The following EDARADD variants were observed in gnomAD, a reference collection of about 807,000 sequenced individuals.
The protein encoded by EDARADD is ectodysplasin-A receptor-associated adapter protein.
EDARADD carries 20 observed loss-of-function variants against 25.6 expected under a neutral mutation model. The observed-to-expected ratio is 0.78, with a 90% CI of 0.55 to 1.14. The LOEUF is 1.14. Ranked by LOEUF, EDARADD falls within the 50% of genes most tolerant of loss-of-function variation. EDARADD has a pLI of 0.00. For synonymous variants in EDARADD, 86 were observed against 94.4 expected, an observed-to-expected ratio of 0.91 and a Z score of 0.52; for missense variants, 225 against 270.1, an observed-to-expected ratio of 0.83 and a Z score of 1.17.
At chr1:236,466,900 C>G (rs1304967869) in intron 4 of EDARADD, among the ~76,000 whole-genome samples, 2 of 152,094 alleles carry the variant, frequency 1.3e-5, no homozygotes, top group Non-Finnish European at 2.9e-5. Flanking sequence ...AACCCTGTCT[C>G]TGCTAAAAAT....
chr1:236,391,671 C>A (rs1448138911), upstream of EDARADD, among the ~76,000 whole-genome samples: 1 of 152,166 alleles, frequency 6.6e-6, no homozygotes, highest in African/African-American at 2.4e-5. Flanking sequence ...TTTTAGATTG[C>A]AGAAATTTCA....
chr1:236,477,832 G>A (rs1038705710), intron 5 of EDARADD, among the ~76,000 whole-genome samples: 1 of 152,278 alleles, frequency 6.6e-6, no homozygotes, highest in Admixed American at 6.5e-5. Context: ...ACCGGGCGCG[G>A]TGGCTCACAC....
At chr1:236,361,223 C>G (rs1199356314) in intron 3 of EDARADD, among the ~76,000 whole-genome samples, 1 of 152,154 alleles carries the variant, frequency 6.6e-6, no homozygotes, top group Non-Finnish European at 1.5e-5. Context: ...TGTGTAATCC[C>G]TTTCCCCTAC....
At chr1:236,456,678 C>G (rs1658876061) in intron 4 of EDARADD, among the ~76,000 whole-genome samples, 1 of 151,880 alleles carries the variant, frequency 6.6e-6, no homozygotes, top group East Asian at 1.9e-4. Context: ...ACCCGCGACT[C>G]TGAAGTTCCC....
In EDARADD at chr1:236,395,345, G is replaced by T; in HGVS notation, c.61+840G>T. On this transcript the variant is annotated intron_variant, in intron 1 of 5. Coordinates refer to ENST00000334232, the MANE Select transcript of EDARADD (RefSeq NM_145861.4). The surrounding 1 kb of genome is among the most constrained non-coding windows in gnomAD (Gnocchi z 6.9). ...CCGCCTTGCGTCCCAGCCCCGGGTCGCGGCACCCCGGCTCCCGCCCCGCGC... is the reference window on the plus strand; with the variant it reads ...CCGCCTTGCGTCCCAGCCCCGGGTCTCGGCACCCCGGCTCCCGCCCCGCGC... 7.6e-7 allele frequency: 1 copy of T among 1,320,386 alleles called. No homozygotes were observed. The highest frequency in any genetic ancestry group is 9.7e-7 in the Non-Finnish European group (1 of 1,033,226). 81.8% of individuals were successfully genotyped at this position (1,320,386 alleles called of 1,614,324 possible).
At chr1:236,417,523 G>A (rs1320075101) in intron 3 of EDARADD, among the ~76,000 whole-genome samples, 1 of 152,024 alleles carries the variant, frequency 6.6e-6, no homozygotes, top group Admixed American at 6.6e-5. Flanking sequence ...TTTCTCATAG[G>A]GCATAAATGC....
chr1:236,478,342 C>A (rs1253454225), intron 5 of EDARADD, among the ~76,000 whole-genome samples: 2 of 146,014 alleles, frequency 1.4e-5, no homozygotes, highest in East Asian at 2.0e-4. Flanking sequence ...AATAGTTTAT[C>A]CAAAATCCAT....
intron 3 of EDARADD, among the ~76,000 whole-genome samples, chr1:236,421,620 C>T (rs1205435050): frequency 2.0e-5 from 3 of 151,360 alleles, no homozygotes; most frequent in Non-Finnish European, 2.9e-5. Context: ...GCCGCAGCCT[C>T]CTGTGTAGCT....
At chr1:236,455,871 C>T (rs767396468) in intron 4 of EDARADD, among the ~76,000 whole-genome samples, 7 of 151,754 alleles carry the variant, frequency 4.6e-5, no homozygotes, top group Admixed American at 1.3e-4. Flanking sequence ...CTCACTGCAA[C>T]CTCTGCCTCC....
chr1:236,429,274 TCGGC>T (rs1658031433), intron 4 of EDARADD, among the ~76,000 whole-genome samples: 1 of 149,672 alleles, frequency 6.7e-6, no homozygotes, highest in African/African-American at 2.5e-5. Flanking sequence ...TGGTGCGATC[TCGGC>T]TCACTGTAAC....
chr1:236,460,388 G>A (rs4659454), intron 4 of EDARADD, among the ~76,000 whole-genome samples: 21,367 of 151,488 alleles, frequency 0.14, 1,541 homozygotes, highest in Non-Finnish European at 0.14. Context: ...ATCTCACTAC[G>A]TTGCCCCGGC....
intron 3 of EDARADD, among the ~76,000 whole-genome samples, chr1:236,371,663 G>A (rs183210805): frequency 2.0e-5 from 3 of 150,634 alleles, no homozygotes; most frequent in East Asian, 2.0e-4. Flanking sequence ...TCTGCCTCCC[G>A]TGTTCAAGCC....
chr1:236,414,554 C>G (rs960831538), intron 3 of EDARADD, among the ~76,000 whole-genome samples: 1 of 151,974 alleles, frequency 6.6e-6, no homozygotes, highest in Non-Finnish European at 1.5e-5. Flanking sequence ...GCGTTAAATT[C>G]CTGTGGTGTT....
intron 5 of EDARADD, among the ~76,000 whole-genome samples, chr1:236,469,316 A>G (rs1659299147): frequency 6.6e-6 from 1 of 152,058 alleles, no homozygotes; most frequent in Admixed American, 6.6e-5. Context: ...TCTACTAAAA[A>G]TACAAAAATT....
At chr1:236,440,537 T>TTTTTGTGTG (rs1658371258) in intron 4 of EDARADD, among the ~76,000 whole-genome samples, 3 of 152,208 alleles carry the variant, frequency 2.0e-5, no homozygotes, top group Non-Finnish European at 4.4e-5. Context: ...CATGCCTCTT[T>TTTTTGTGTG]TTATTGTGTG....
intron 4 of EDARADD, among the ~76,000 whole-genome samples, chr1:236,437,063 A>G (rs1333172464): frequency 6.6e-6 from 1 of 152,162 alleles, no homozygotes; most frequent in Non-Finnish European, 1.5e-5. Context: ...CTTACAGTCA[A>G]GTTTGGCATT....
chr1:236,482,114 CAAA>C (rs374553103), intron 5 of EDARADD, among the ~76,000 whole-genome samples, 150 bp from the exon 6 acceptor site: 8 of 73,330 alleles, frequency 1.1e-4, no homozygotes, highest in Admixed American at 6.1e-4. Context: ...GACTCCATCT[CAAA>C]AAAAAAAAAA....
intron 3 of EDARADD, among the ~76,000 whole-genome samples, chr1:236,371,368 T>C (rs1338624543): frequency 6.6e-6 from 1 of 152,202 alleles, no homozygotes; most frequent in African/African-American, 2.4e-5. Flanking sequence ...GACCATCATG[T>C]TATCTGCAAA....
intron 3 of EDARADD, among the ~76,000 whole-genome samples, chr1:236,366,041 A>G (rs773636109): frequency 2.6e-5 from 4 of 152,256 alleles, no homozygotes; most frequent in South Asian, 2.1e-4. Context: ...GCATCTAAAC[A>G]TAATTCTAAA....
Sources: gnomAD v4.1 joint callset for allele counts (sites outside exome capture counted in the v4.1 genomes callset) on GRCh38, gnomAD v4.1.1 for gene constraint, Gnocchi (gnomAD v3.1) non-coding constraint, MANE v1.5 for transcripts, NCBI Gene and HGNC (gene_info 2026-07-23, HGNC 2026-07-21) for gene names.